Variants in PRIMPOL observed in about 807,000 individuals in gnomAD.
PRIMPOL encodes the protein DNA-directed primase/polymerase protein.
PRIMPOL carries 54 observed loss-of-function variants against 63.6 expected under a neutral mutation model. The observed-to-expected ratio is 0.85, with a 90% CI of 0.68 to 1.07. PRIMPOL has a LOEUF of 1.07. PRIMPOL is among the 50% of genes least tolerant of loss of function. PRIMPOL has a pLI of 0.00. For missense variants in PRIMPOL, 610 were observed against 648.3 expected (o/e 0.94, Z 0.64); for synonymous variants, 197 against 220.2 (o/e 0.89, Z 0.93).
chr4:184,653,904 G>T (rs1034233587), intron 2 of PRIMPOL, among the ~76,000 whole-genome samples: 5 of 152,218 alleles, frequency 3.3e-5, no homozygotes, highest in African/African-American at 1.2e-4. Context: ...TTTGCTTTTT[G>T]TAATTCAACC....
chr4:184,692,471 CAAAAAAAAAAA>C (rs60321808), intron 13 of PRIMPOL, among the ~76,000 whole-genome samples: 1,298 of 73,914 alleles, frequency 0.018, 25 homozygotes, highest in African/African-American at 0.05. Flanking sequence ...GACTCTGCCT[CAAAAAAAAAAA>C]AAAAAAAAAA....
In PRIMPOL at chr4:184,657,319, A is replaced by G. The variant is rs758634711; in HGVS notation, c.179A>G (p.Glu60Gly). Residue 60 changes from glutamate to glycine, a missense_variant and splice_region_variant, in exon 3 of 14, where the codon GAA (glutamate) becomes GGA (glycine). Around this residue, in one of 3 missense-constraint regions of PRIMPOL, gnomAD observed 159 missense variants for 168.9 expected, o/e 0.94. Transcript: ENST00000314970. ...TTTAATTTTGTTAAAAGCTGTAAAG[A>G]AGTAATTTCCTCCTCCTCCTCTTCT... ...QAFNFVKSCK[E>G]DVHVFALECK... 1 of 1,604,056 alleles carries G rather than the reference A, an allele frequency of 6.2e-7. No homozygotes were observed. Among genetic ancestry groups the G allele is most frequent in the Non-Finnish European group, 8.5e-7 (1 of 1,175,728 alleles).
chr4:184,663,721 C>T (rs1749040998), intron 5 of PRIMPOL, among the ~76,000 whole-genome samples: 1 of 152,186 alleles, frequency 6.6e-6, no homozygotes, highest in African/African-American at 2.4e-5. Flanking sequence ...AATTATACAG[C>T]ATTTTTATTT....
intron 8 of PRIMPOL, among the ~76,000 whole-genome samples, chr4:184,680,028 T>G (rs775639808): frequency 1.1e-4 from 16 of 152,226 alleles, no homozygotes; most frequent in South Asian, 2.1e-4. Context: ...CTCTTAGAGT[T>G]GCAGTTTCCA....
intron 7 of PRIMPOL, among the ~76,000 whole-genome samples, chr4:184,676,166 G>A (rs919310186): frequency 5.9e-5 from 9 of 151,862 alleles, no homozygotes; most frequent in Non-Finnish European, 1.2e-4. Context: ...CCAGGCTGAA[G>A]TGCAGTGGTG....
intron 6 of PRIMPOL, among the ~76,000 whole-genome samples, chr4:184,667,349 C>T (rs2001870): frequency 0.093 from 14,083 of 151,640 alleles, 782 homozygotes; most frequent in Middle Eastern, 0.13. Context: ...CTCGCTCTGT[C>T]GCCCAGGCTG....
intron 13 of PRIMPOL, among the ~76,000 whole-genome samples, chr4:184,694,040 A>C (rs2150188486): frequency 6.6e-6 from 1 of 152,358 alleles, no homozygotes; most frequent in Non-Finnish European, 1.5e-5. Context: ...TTCTATGGTA[A>C]AATAATTGAT....
intron 9 of PRIMPOL, among the ~76,000 whole-genome samples, chr4:184,684,318 T>C (rs956376549): frequency 2.0e-5 from 3 of 152,004 alleles, no homozygotes; most frequent in African/African-American, 7.2e-5. Context: ...TAGCAAGGCG[T>C]GGTGTTGCAC....
intron 8 of PRIMPOL, among the ~76,000 whole-genome samples, chr4:184,681,960 A>T (rs1406176681): frequency 6.6e-6 from 1 of 152,214 alleles, no homozygotes. Flanking sequence ...GGGCTTCAGC[A>T]GTCCTAGAGT....
chr4:184,661,704 C>CA, intron 4 of PRIMPOL, 70 bp from the exon 5 acceptor site: 1 of 1,043,174 alleles, frequency 9.6e-7, no homozygotes, highest in Non-Finnish European at 1.4e-6. Flanking sequence ...GACTCAGTCT[C>CA]AGTCAGTCAA....
chr4:184,686,322 G>T (rs1257339690), intron 11 of PRIMPOL, among the ~76,000 whole-genome samples: 1 of 152,156 alleles, frequency 6.6e-6, no homozygotes, highest in African/African-American at 2.4e-5. Context: ...TGTCCTTCCT[G>T]TTGCCATTGG....
At chr4:184,660,129 T>G (rs1343075068) in intron 4 of PRIMPOL, among the ~76,000 whole-genome samples, 1 of 151,776 alleles carries the variant, frequency 6.6e-6, no homozygotes, top group Non-Finnish European at 1.5e-5. Flanking sequence ...CTTATTAGCT[T>G]TATTTTGACT....
intron 1 of PRIMPOL, among the ~76,000 whole-genome samples, chr4:184,650,683 T>C (rs2150005064): frequency 6.6e-6 from 1 of 152,336 alleles, no homozygotes; most frequent in South Asian, 2.1e-4. Context: ...CTGTGAATCA[T>C]TTTCGCAGAA....
chr4:184,650,443 A>G (rs923130678), intron 1 of PRIMPOL, among the ~76,000 whole-genome samples: 2 of 152,182 alleles, frequency 1.3e-5, no homozygotes, highest in Non-Finnish European at 2.9e-5. Context: ...GAGAACTGGT[A>G]ATGGAAGAGA....
chr4:184,688,176 GT>G (rs1218531935), intron 11 of PRIMPOL, among the ~76,000 whole-genome samples: 6 of 152,202 alleles, frequency 3.9e-5, no homozygotes, highest in African/African-American at 1.4e-4. Context: ...ATGTGCTAGA[GT>G]TTCTCAAAGT....
intron 2 of PRIMPOL, among the ~76,000 whole-genome samples, chr4:184,654,456 T>TTTTTTTTTTGTTG (rs1251767396): frequency 6.2e-5 from 9 of 145,598 alleles, no homozygotes; most frequent in Non-Finnish European, 1.4e-4. Context: ...TAAAGCAGTT[T>TTTTTTTTTTGTTG]TTTTTTTTTT....
chr4:184,687,939 T>G (rs1042326209), intron 11 of PRIMPOL, among the ~76,000 whole-genome samples: 4 of 152,240 alleles, frequency 2.6e-5, no homozygotes, highest in African/African-American at 7.2e-5. Flanking sequence ...TGTTTTCTTT[T>G]GCTTGTTTTC....
intron 8 of PRIMPOL, 110 bp from the exon 9 acceptor site, chr4:184,682,138 A>G (rs1755784340): frequency 1.7e-6 from 1 of 577,002 alleles, no homozygotes. Flanking sequence ...TATCTGCTGA[A>G]CAAAGGATTT....
intron 11 of PRIMPOL, among the ~76,000 whole-genome samples, chr4:184,690,522 C>A (rs1242533026): frequency 1.3e-5 from 2 of 152,102 alleles, no homozygotes; most frequent in Admixed American, 6.6e-5. Flanking sequence ...AGCAGTGGCA[C>A]CAGCTTGGCT....
Sources: gnomAD v4.1 joint callset for allele counts (sites outside exome capture counted in the v4.1 genomes callset) on GRCh38, gnomAD v4.1.1 for gene constraint, gnomAD v4.1.1 regional missense constraint, MANE v1.5 for transcripts, NCBI Gene and HGNC (gene_info 2026-07-23, HGNC 2026-07-21) for gene names.